PATL1: variants seen among roughly 807,000 people sequenced by gnomAD.
The protein encoded by PATL1 is PAT1 homolog 1, processing body mRNA decay factor.
In PATL1, 32 loss-of-function variants were observed where a neutral mutation model predicts 100.6. The ratio of observed to expected loss-of-function variants is 0.32; its 90% CI spans 0.24 to 0.43. PATL1 has a LOEUF of 0.43. Ranked by LOEUF, PATL1 falls within the 20% of genes least tolerant of loss-of-function variation. The pLI is 1.00. For synonymous variants in PATL1, 332 were observed against 330.0 expected, an observed-to-expected ratio of 1.01 and a Z score of -0.07; for missense variants, 747 against 949.9, an observed-to-expected ratio of 0.79 and a Z score of 2.81.
At chr11:59,662,752 C>T (rs78110741) in intron 2 of PATL1, among the ~76,000 whole-genome samples, 7,099 of 152,220 alleles carry the variant, frequency 0.047, 367 homozygotes, top group Admixed American at 0.13. Flanking sequence ...TGGATTTGTT[C>T]TAATGCAGTA....
rs76129882 is a variant in PATL1 at position 59,639,387 on chromosome 11, C to G, written c.2050-4G>C. The G allele has an allele frequency of 6.5e-7, 1 of 1,548,354 alleles. No homozygotes were observed. The highest frequency in any genetic ancestry group is 8.7e-7 in the Non-Finnish European group (1 of 1,145,822). On this transcript the variant is annotated splice_polypyrimidine_tract_variant and splice_region_variant and intron_variant, in intron 16 of 18. Transcript: ENST00000300146. ...TGAGGAGCAGTGACAGGCCAAACTA[C>G]GAGAAAAGACAGAGGGAATCAAACT...
intron 16 of PATL1, 94 bp downstream of exon 16, chr11:59,642,786 C>A: frequency 7.4e-7 from 1 of 1,347,534 alleles, no homozygotes; most frequent in Non-Finnish European, 1.0e-6. Flanking sequence ...AAGCCTTTTT[C>A]CCAAGTTGCT....
At chr11:59,667,130 G>C (rs1232309722) in intron 1 of PATL1, 166 bp from the exon 2 acceptor site, 2 of 953,320 alleles carry the variant, frequency 2.1e-6, no homozygotes, top group Non-Finnish European at 2.5e-6. Context: ...GACACTGGAA[G>C]ATTTCATCAT....
At chr11:59,645,411 T>C (rs1861351216) in intron 15 of PATL1, among the ~76,000 whole-genome samples, 1 of 148,740 alleles carries the variant, frequency 6.7e-6, no homozygotes, top group Non-Finnish European at 1.5e-5. Flanking sequence ...CTACTGCTTT[T>C]AGCAGCCAGT....
chr11:59,647,635 C>T, intron 15 of PATL1, 119 bp downstream of exon 15: 1 of 1,077,218 alleles, frequency 9.3e-7, no homozygotes, highest in Non-Finnish European at 1.3e-6. Flanking sequence ...AATCAAATCA[C>T]ACAGCCAAAG....
chr11:59,650,670 T>G (rs1861430415), intron 13 of PATL1, 84 bp downstream of exon 13: 1 of 910,706 alleles, frequency 1.1e-6, no homozygotes, highest in Non-Finnish European at 1.7e-6. Context: ...ATTGACTGAT[T>G]GCTCACTGTT....
intron 2 of PATL1, among the ~76,000 whole-genome samples, chr11:59,660,658 G>C (rs1354080317): frequency 6.6e-6 from 1 of 152,126 alleles, no homozygotes; most frequent in Admixed American, 6.5e-5. Context: ...GGTGGGGAGA[G>C]TAGAAGAAAA....
chr11:59,659,602 G>T, intron 2 of PATL1, 133 bp from the exon 3 acceptor site: 1 of 782,024 alleles, frequency 1.3e-6, no homozygotes, highest in Non-Finnish European at 2.0e-6. Flanking sequence ...CGTGATCTCG[G>T]CTCACCGCAA....
intron 12 of PATL1, among the ~76,000 whole-genome samples, chr11:59,651,129 A>G (rs1210142930): frequency 6.6e-6 from 1 of 152,166 alleles, no homozygotes; most frequent in Non-Finnish European, 1.5e-5. Context: ...GTTATAGGGT[A>G]CATGTGTTTG....
rs1021548106 is a variant in PATL1 at position 59,663,755 on chromosome 11, T to C, written c.127+3098A>G. Among the ~76,000 whole-genome samples, 4 of 152,168 alleles carry C rather than the reference T, an allele frequency of 2.6e-5. No individual in the cohort carries two copies. In the East Asian group the frequency reaches 5.8e-4, roughly 22 times the overall value. ...TAGTTTCTTAAGGAAAGGTGACCAT[T>C]TGTAGCCAGTGACCTAAAATGTCTA... On this transcript the variant is annotated intron_variant, in intron 2 of 18. Coordinates refer to ENST00000300146, the MANE Select transcript of PATL1 (RefSeq NM_152716.3).
chr11:59,638,783 TG>T (rs1230230306), intron 18 of PATL1, among the ~76,000 whole-genome samples: 12 of 152,102 alleles, frequency 7.9e-5, no homozygotes, highest in Admixed American at 7.9e-4. Flanking sequence ...CGGGTTTAAA[TG>T]ATTTTCATAC....
intron 16 of PATL1, among the ~76,000 whole-genome samples, chr11:59,640,342 C>CA (rs1197181788): frequency 0.12 from 11,058 of 89,464 alleles, 677 homozygotes; most frequent in African/African-American, 0.24. Flanking sequence ...ACTCCATCTC[C>CA]AAAAAAAAAA....
At position 59,655,568 on chromosome 11, in the gene PATL1, G is replaced by A; in HGVS notation, c.986C>T (p.Pro329Leu). The A allele has an allele frequency of 6.3e-7, 1 of 1,590,300 alleles. No homozygotes were observed. The highest frequency in any genetic ancestry group is 8.6e-7 in the Non-Finnish European group (1 of 1,167,960). ...FSAPPSATPP[P>L]QQHPPGPGPH... ...TCCTGGGCCAGGAGGGTGCTGCTGT[G>A]GAGGTGGTGTAGCGGAGGGTGGAGC... The change falls in exon 8 of 19, where the codon CCA becomes CTA. Residue 329 changes from proline to leucine, a missense_variant. Pro to Leu is a moderately conservative substitution (Grantham distance 98). Coordinates refer to ENST00000300146, the MANE Select transcript of PATL1 (RefSeq NM_152716.3).
chr11:59,638,425 GGAGA>G lies in PATL1; in HGVS notation c.2292-18_2292-15del, dbSNP rs372799875. The G allele has an allele frequency of 6.2e-7, 1 of 1,607,036 alleles. No individual in the cohort carries two copies. Among genetic ancestry groups the G allele is most frequent in the Non-Finnish European group, 8.5e-7 (1 of 1,174,660 alleles). On this transcript the variant is annotated splice_polypyrimidine_tract_variant and intron_variant, in intron 18 of 18. Coordinates refer to ENST00000300146, the MANE Select transcript of PATL1 (RefSeq NM_152716.3). ...CCCTGAACTAGCCTAGGAGTACAAA[GGAGA>G]GAAAGGAAAATTGTATAAATGAGTT...
At chr11:59,668,080 A>G (rs1261950756) in intron 1 of PATL1, among the ~76,000 whole-genome samples, 2 of 152,260 alleles carry the variant, frequency 1.3e-5, no homozygotes, top group Non-Finnish European at 2.9e-5. Context: ...GGCAACTTCC[A>G]GCAGTACTCC....
At chr11:59,660,474 GAGA>G (rs1861612425) in intron 2 of PATL1, among the ~76,000 whole-genome samples, 1 of 152,204 alleles carries the variant, frequency 6.6e-6, no homozygotes, top group African/African-American at 2.4e-5. Flanking sequence ...AGGCCTCATT[GAGA>G]AGATGACATT....
At position 59,659,431 on chromosome 11, in the gene PATL1, A is replaced by G. The variant is rs952189018; in HGVS notation, c.166T>C (p.Leu56=). 6 of 1,551,074 alleles carry G rather than the reference A, an allele frequency of 3.9e-6. No individual in the cohort carries two copies. The African/African-American group carries it at 6.8e-5, about 18-fold the overall frequency. Residue 56 remains leucine (L), a synonymous_variant, in exon 3 of 19, where the codon TTG becomes CTG. Coordinates refer to ENST00000300146, the MANE Select transcript of PATL1 (RefSeq NM_152716.3). ...ACTGCCACTGGTAGCTTTTCTTCCAATTCAGCCAGGCGCTCATGTGCTTCC... is the reference window on the plus strand; with the variant it reads ...ACTGCCACTGGTAGCTTTTCTTCCAGTTCAGCCAGGCGCTCATGTGCTTCC... ...WQEAHERLAE[L]EEKLPVAVNE...
At chr11:59,641,180 A>G (rs1007614048) in intron 16 of PATL1, among the ~76,000 whole-genome samples, 5 of 151,928 alleles carry the variant, frequency 3.3e-5, no homozygotes, top group African/African-American at 9.7e-5. Flanking sequence ...CAAAAAAAAA[A>G]AAGTCAATCA....
At chr11:59,655,486 C>CT in intron 8 of PATL1, 37 bp downstream of exon 8, 2 of 1,466,010 alleles carry the variant, frequency 1.4e-6, no homozygotes, top group South Asian at 2.6e-5. Context: ...AGAGACTTGG[C>CT]TGATAACTGA....
Sources: allele counts gnomAD v4.1 joint callset (sites outside exome capture counted in the v4.1 genomes callset), GRCh38; gene constraint gnomAD v4.1.1; transcripts MANE v1.5; gene names NCBI Gene and HGNC (gene_info 2026-07-23, HGNC 2026-07-21).